MICU2: variants seen among roughly 807,000 people sequenced by gnomAD.
MICU2 encodes the protein mitochondrial calcium uptake 2, also known as calcium uptake protein 2, mitochondrial.
In MICU2, 64 loss-of-function variants were observed where a neutral mutation model predicts 60.4. The observed-to-expected ratio is 1.06, with a 90% CI of 0.87 to 1.31. The LOEUF is 1.31. Ranked by LOEUF, MICU2 falls within the 50% of genes most tolerant of loss-of-function variation. The pLI is 0.00. For missense variants in MICU2, 569 were observed against 531.0 expected (o/e 1.07, Z -0.70); for synonymous variants, 201 against 175.0 (o/e 1.15, Z -1.17).
intron 1 of MICU2, among the ~76,000 whole-genome samples, chr13:21,590,181 G>C (rs1313373949): frequency 6.6e-6 from 1 of 152,030 alleles, no homozygotes; most frequent in Non-Finnish European, 1.5e-5. Flanking sequence ...AACTGCTAAG[G>C]GCAGCCAGAG....
chr13:21,590,833 G>A (rs548868800), intron 1 of MICU2, among the ~76,000 whole-genome samples: 4 of 152,218 alleles, frequency 2.6e-5, no homozygotes, highest in East Asian at 3.9e-4. Flanking sequence ...CTAGCCTGGC[G>A]ACAAAGCGAG....
At chr13:21,501,312 G>A (rs1460009940) in intron 9 of MICU2, among the ~76,000 whole-genome samples, 3 of 151,794 alleles carry the variant, frequency 2.0e-5, no homozygotes, top group Non-Finnish European at 4.4e-5. Flanking sequence ...ACCCAGGCTG[G>A]AGTGCAGTGG....
At chr13:21,562,568 C>T (rs1386223848) in intron 2 of MICU2, among the ~76,000 whole-genome samples, 1 of 151,886 alleles carries the variant, frequency 6.6e-6, no homozygotes, top group Non-Finnish European at 1.5e-5. Context: ...AGTAGTTGTC[C>T]TAAAGTTTGC....
chr13:21,536,484 C>T (rs755877111), intron 4 of MICU2, among the ~76,000 whole-genome samples: 12 of 152,142 alleles, frequency 7.9e-5, no homozygotes, highest in South Asian at 2.1e-4. Flanking sequence ...TGCATCACCA[C>T]GCCTGGCTAA....
chr13:21,568,157 G>A (rs1016445703), intron 1 of MICU2, among the ~76,000 whole-genome samples: 4 of 152,160 alleles, frequency 2.6e-5, no homozygotes, highest in African/African-American at 7.2e-5. Context: ...AATGTTCAGT[G>A]ACTGCTGACT....
chr13:21,535,411 G>C (rs1186899020), intron 4 of MICU2, among the ~76,000 whole-genome samples: 1 of 152,058 alleles, frequency 6.6e-6, no homozygotes, highest in East Asian at 1.9e-4. Flanking sequence ...TCTTTCTTAA[G>C]AGTCTCAAAA....
Position 21,514,344 on chromosome 13 carries a change from T to C in MICU2, c.663+9A>G, listed in dbSNP as rs199979200. On this transcript the variant is annotated intron_variant, in intron 7 of 11. Transcript: ENST00000382374. ...AAATATCAATTGTTTGGAAATCATC[T>C]GTACATACCTGATATCCAGTTTCAT... is the stretch of plus-strand genomic sequence containing the variant. 2.2e-4 allele frequency: 356 copies of C among 1,598,172 alleles called. No individual in the cohort carries two copies. Among genetic ancestry groups the C allele is most frequent in the Non-Finnish European group, 3.0e-4 (351 of 1,170,778 alleles).
chr13:21,539,784 A>C, intron 2 of MICU2, 96 bp from the exon 3 acceptor site: 1 of 1,102,436 alleles, frequency 9.1e-7, no homozygotes, highest in Non-Finnish European at 1.3e-6. Flanking sequence ...AAAACAAACA[A>C]CTAAATATTT....
intron 6 of MICU2, among the ~76,000 whole-genome samples, chr13:21,517,770 G>GACACACACACACACACACAC (rs374373614): frequency 6.9e-6 from 1 of 144,506 alleles, no homozygotes. Flanking sequence ...ACAGAGCGAG[G>GACACACACACACACACACAC]ACACACACAC....
At chr13:21,556,984 GAAC>G (rs1450639836) in intron 2 of MICU2, among the ~76,000 whole-genome samples, 2 of 152,170 alleles carry the variant, frequency 1.3e-5, no homozygotes, top group African/African-American at 4.8e-5. Flanking sequence ...AGTCCGACAA[GAAC>G]AACAAAGGGG....
chr13:21,595,619 C>T (rs1888675997), intron 1 of MICU2, among the ~76,000 whole-genome samples: 1 of 152,268 alleles, frequency 6.6e-6, no homozygotes, highest in Admixed American at 6.5e-5. Flanking sequence ...CCTCAGGCCA[C>T]ATTCTTCCAC....
At chr13:21,593,543 G>C (rs1298011001) in intron 1 of MICU2, among the ~76,000 whole-genome samples, 6 of 92,294 alleles carry the variant, frequency 6.5e-5, no homozygotes, top group Admixed American at 4.9e-4. Flanking sequence ...AATCACAGAA[G>C]ACCCCATATT....
chr13:21,568,523 T>A (rs1184490645), intron 1 of MICU2, among the ~76,000 whole-genome samples: 1 of 152,244 alleles, frequency 6.6e-6, no homozygotes, highest in African/African-American at 2.4e-5. Flanking sequence ...CTAAATTTTA[T>A]TGATACTTTC....
At chr13:21,517,902 T>C (rs906324983) in intron 6 of MICU2, among the ~76,000 whole-genome samples, 11 of 152,108 alleles carry the variant, frequency 7.2e-5, no homozygotes, top group African/African-American at 2.4e-4. Context: ...TAGTTTTTCC[T>C]CTTCAATGCT....
At chr13:21,558,032 T>C (rs1407418569) in intron 2 of MICU2, among the ~76,000 whole-genome samples, 1 of 152,226 alleles carries the variant, frequency 6.6e-6, no homozygotes, top group Non-Finnish European at 1.5e-5. Context: ...GCATATTTCA[T>C]AATATTTTGT....
chr13:21,564,786 T>C (rs769570096), intron 2 of MICU2, among the ~76,000 whole-genome samples: 8 of 152,130 alleles, frequency 5.3e-5, no homozygotes, highest in Non-Finnish European at 1.0e-4. Flanking sequence ...GGGGAGAACA[T>C]TTTTCTTAGA....
intron 6 of MICU2, chr13:21,515,782 T>A (rs1375273141): frequency 1.2e-5 from 2 of 168,500 alleles, no homozygotes; most frequent in Non-Finnish European, 2.6e-5. Context: ...TATTTCTAGT[T>A]CTCTAAATCT....
At chr13:21,570,650 A>T (rs1888086326) in intron 1 of MICU2, among the ~76,000 whole-genome samples, 1 of 152,218 alleles carries the variant, frequency 6.6e-6, no homozygotes, top group Non-Finnish European at 1.5e-5. Context: ...TGTACTGTGC[A>T]AAGCATTTGG....
At chr13:21,548,766 A>G (rs1245334471) in intron 2 of MICU2, among the ~76,000 whole-genome samples, 1 of 152,120 alleles carries the variant, frequency 6.6e-6, no homozygotes, top group Non-Finnish European at 1.5e-5. Context: ...TTTGATCAAA[A>G]CAATCACCCG....
Sources: allele counts gnomAD v4.1 joint callset (sites outside exome capture counted in the v4.1 genomes callset), GRCh38; gene constraint gnomAD v4.1.1; transcripts MANE v1.5; gene names NCBI Gene and HGNC (gene_info 2026-07-23, HGNC 2026-07-21).